The following MIER1 variants were observed in gnomAD, a reference collection of about 807,000 sequenced individuals.
MIER1 encodes mesoderm induction early response protein 1.
In MIER1, 40 loss-of-function variants were observed where a neutral mutation model predicts 75.7. The observed-to-expected ratio is 0.53, with a 90% CI of 0.41 to 0.69. The LOEUF is 0.69. MIER1 is among the 30% of genes least tolerant of loss of function. The pLI is 0.00. For synonymous variants in MIER1, 213 were observed against 223.4 expected, an observed-to-expected ratio of 0.95 and a Z score of 0.42; for missense variants, 574 against 680.2, an observed-to-expected ratio of 0.84 and a Z score of 1.74.
intron 2 of MIER1, among the ~76,000 whole-genome samples, chr1:66,935,604 A>C (rs1321756269): frequency 6.6e-6 from 1 of 152,230 alleles, no homozygotes; most frequent in Non-Finnish European, 1.5e-5. Context: ...GAAAGAATGC[A>C]TAGTACATGA....
chr1:66,955,311 T>C (rs1659865009), intron 4 of MIER1, among the ~76,000 whole-genome samples: 1 of 141,546 alleles, frequency 7.1e-6, no homozygotes, highest in Non-Finnish European at 1.5e-5. Context: ...GGTAGTCTCA[T>C]ACCAGCAGCA....
chr1:66,986,136 AGT>A lies in MIER1; in HGVS notation c.*1238_*1239del, dbSNP rs2102161065. 8.7e-7 allele frequency: 1 copy of A among 1,145,100 alleles called. No homozygotes were observed. The highest frequency in any genetic ancestry group is 4.6e-5 in the Admixed American group (1 of 21,634). 70.9% of individuals were successfully genotyped at this position (1,145,100 alleles called of 1,614,324 possible). ...GGCAGTATCGATTTTATGAAGAGAA[AGT>A]GAAGTTTGAAAACTTTTCAAACTTT... On this transcript the variant is annotated 3_prime_UTR_variant, in exon 14 of 14. Transcript: ENST00000401041.
At chr1:66,943,432 T>G (rs1025074285) in intron 3 of MIER1, among the ~76,000 whole-genome samples, 16 of 152,200 alleles carry the variant, frequency 1.1e-4, no homozygotes, top group African/African-American at 3.6e-4. Context: ...AATAACTCAT[T>G]TTTACTATAA....
chr1:66,963,128 T>C lies in MIER1; in HGVS notation c.740T>C (p.Val247Ala). The change falls in exon 8 of 14, where the codon GTT becomes GCT. Residue 247 changes from valine to alanine, a missense_variant. Val to Ala is a moderately conservative substitution (Grantham distance 64). This residue lies in a region of MIER1 where 309 missense variants were observed against 352.8 expected (regional missense o/e 0.88). Transcript: ENST00000401041. ...VGSMFQAEIP[V>A]GICRYKENEK... ...TCCATGTTTCAAGCAGAAATTCCAG[T>C]TGGCATTTGTAGATACAAAGAAAAT... 1 of 1,612,338 alleles carries C rather than the reference T, an allele frequency of 6.2e-7. No individual in the cohort carries two copies. Among genetic ancestry groups the C allele is most frequent in the South Asian group, 1.1e-5 (1 of 90,990 alleles).
intron 2 of MIER1, among the ~76,000 whole-genome samples, chr1:66,938,656 C>T (rs1655487828): frequency 6.6e-6 from 1 of 152,126 alleles, no homozygotes; most frequent in Admixed American, 6.5e-5. Flanking sequence ...ACCCTACTCT[C>T]CAAGCTTCCC....
chr1:66,978,178 A>G (rs1665125575), intron 12 of MIER1, among the ~76,000 whole-genome samples: 1 of 150,590 alleles, frequency 6.6e-6, no homozygotes, highest in African/African-American at 2.4e-5. Context: ...CCTGGGCAAC[A>G]GAGCGAAACT....
rs964746193 is a variant in MIER1 at position 66,946,981 on chromosome 1, T to A, written c.339+686T>A. Reference sequence around the variant, plus strand: ...TGTTGGCAGTTTGTGATTCTCAGTTTGGACCTTCTTTTTTTCTCTCCTGTC... The same window carrying A: ...TGTTGGCAGTTTGTGATTCTCAGTTAGGACCTTCTTTTTTTCTCTCCTGTC... On this transcript the variant is annotated intron_variant, in intron 4 of 13. Transcript: ENST00000401041. 1.4e-5 allele frequency: 14 copies of A among 985,394 alleles called. No individual in the cohort carries two copies. The African/African-American group carries it at 2.4e-4, about 17-fold the overall frequency. 61.0% of individuals were successfully genotyped at this position (985,394 alleles called of 1,614,324 possible). A position where few individuals can be genotyped will look rare whatever the true frequency, so the allele number is the denominator to read the frequency against.
At chr1:66,930,098 C>T (rs1652738480) in intron 2 of MIER1, 2 of 752,078 alleles carry the variant, frequency 2.7e-6, no homozygotes, top group African/African-American at 1.9e-5. Context: ...CTTGACTCCG[C>T]CCCCTCCGCT....
intron 12 of MIER1, 41 bp downstream of exon 12, chr1:66,976,763 G>T: frequency 6.9e-7 from 1 of 1,455,124 alleles, no homozygotes; most frequent in Non-Finnish European, 9.1e-7. Context: ...ATACATTTTT[G>T]CTAAGCTTTT....
chr1:66,932,165 GAT>G (rs1190538523), intron 2 of MIER1, among the ~76,000 whole-genome samples: 2 of 152,010 alleles, frequency 1.3e-5, no homozygotes, highest in Non-Finnish European at 2.9e-5. Context: ...GTTATTGTAA[GAT>G]AAAGGAAAAA....
At chr1:66,973,112 T>G in intron 11 of MIER1, 121 bp downstream of exon 11, 1 of 599,452 alleles carries the variant, frequency 1.7e-6, no homozygotes. Flanking sequence ...TGACAATATT[T>G]TGGTATTTAG....
At chr1:66,973,630 A>G (rs1664134479) in intron 11 of MIER1, among the ~76,000 whole-genome samples, 1 of 152,104 alleles carries the variant, frequency 6.6e-6, no homozygotes, top group Admixed American at 6.5e-5. Flanking sequence ...CTTAATTCTT[A>G]TAACTGAAAT....
At chr1:66,952,577 A>G (rs1221559361) in intron 4 of MIER1, among the ~76,000 whole-genome samples, 1 of 152,148 alleles carries the variant, frequency 6.6e-6, no homozygotes, top group South Asian at 2.1e-4. Context: ...GGAGGGATAT[A>G]TCTGCTCCCA....
At chr1:66,955,336 GTTTTTTT>G (rs34006160) in intron 4 of MIER1, among the ~76,000 whole-genome samples, 9 of 59,968 alleles carry the variant, frequency 1.5e-4, no homozygotes, top group African/African-American at 6.3e-4. Flanking sequence ...CATCACCTGA[GTTTTTTT>G]TTTTTTTTTT....
intron 2 of MIER1, among the ~76,000 whole-genome samples, chr1:66,931,528 G>T (rs1284133894): frequency 2.0e-5 from 3 of 152,158 alleles, no homozygotes; most frequent in African/African-American, 7.2e-5. Flanking sequence ...GATTTAGGAA[G>T]GAGGGTGAGA....
At chr1:66,976,495 G>A (rs1664757033) in intron 11 of MIER1, 100 bp from the exon 12 acceptor site, 1 of 1,151,692 alleles carries the variant, frequency 8.7e-7, no homozygotes, top group African/African-American at 1.6e-5. Context: ...TTATATTTCA[G>A]TTAAGGACTA....
chr1:66,945,267 G>GTGTATATATATGTATATATATA (rs1244341605), intron 3 of MIER1, among the ~76,000 whole-genome samples: 1 of 141,874 alleles, frequency 7.0e-6, no homozygotes, highest in Non-Finnish European at 1.5e-5. Flanking sequence ...TCTGGTGTGT[G>GTGTATATATATGTATATATATA]TATATATATA....
chr1:66,929,702 A>G (rs1440272396), intron 2 of MIER1, among the ~76,000 whole-genome samples: 1 of 152,222 alleles, frequency 6.6e-6, no homozygotes, highest in African/African-American at 2.4e-5. Context: ...AACGCAAATG[A>G]CATGAGGATG....
intron 2 of MIER1, among the ~76,000 whole-genome samples, chr1:66,926,598 A>G (rs986340045): frequency 6.6e-6 from 1 of 152,230 alleles, no homozygotes; most frequent in African/African-American, 2.4e-5. Context: ...TGGGGCTTCC[A>G]AATGTAATAG....
Sources: gnomAD v4.1 joint callset for allele counts (sites outside exome capture counted in the v4.1 genomes callset) on GRCh38, gnomAD v4.1.1 for gene constraint, gnomAD v4.1.1 regional missense constraint, MANE v1.5 for transcripts, NCBI Gene and HGNC (gene_info 2026-07-23, HGNC 2026-07-21) for gene names.